KDM4B: variants seen among roughly 807,000 people sequenced by gnomAD.
KDM4B encodes lysine-specific demethylase 4B.
KDM4B carries 32 observed loss-of-function variants against 125.2 expected under a neutral mutation model. That is an observed-to-expected ratio of 0.26 (90% CI 0.19 to 0.34). KDM4B has a LOEUF of 0.34. Among genes scored for constraint, KDM4B ranks in the 10% least tolerant of loss-of-function variants. The pLI, the probability that KDM4B is intolerant of heterozygous loss-of-function variation, is 1.00. For synonymous variants in KDM4B, 721 were observed against 677.9 expected (o/e 1.06, Z -0.99); for missense variants, 1,190 against 1,577.7 (o/e 0.75, Z 4.16).
At chr19:5,049,127 G>C (rs2037136983) in intron 6 of KDM4B, among the ~76,000 whole-genome samples, 1 of 152,150 alleles carries the variant, frequency 6.6e-6, no homozygotes, top group African/African-American at 2.4e-5. Context: ...GCCTCTGCGG[G>C]AGGAGGCGAC....
chr19:5,065,628 C>A (rs1442043706), intron 6 of KDM4B, among the ~76,000 whole-genome samples: 5 of 152,206 alleles, frequency 3.3e-5, no homozygotes, highest in Non-Finnish European at 7.3e-5. Flanking sequence ...AAAACTCTTT[C>A]CGGGGCCAGC....
At chr19:4,979,213 T>G (rs533615204) in intron 1 of KDM4B, among the ~76,000 whole-genome samples, 1 of 151,368 alleles carries the variant, frequency 6.6e-6, no homozygotes, top group East Asian at 1.9e-4. Flanking sequence ...AGCCCAGGAG[T>G]TTGAGCCTAC....
chr19:5,037,086 C>T (rs1330601871), intron 3 of KDM4B, among the ~76,000 whole-genome samples: 3 of 152,332 alleles, frequency 2.0e-5, no homozygotes, highest in East Asian at 1.9e-4. Flanking sequence ...GCAGAGGAAT[C>T]GGGAGCGAAG....
At chr19:5,133,415 A>G (rs2039592807) in intron 13 of KDM4B, among the ~76,000 whole-genome samples, 1 of 152,004 alleles carries the variant, frequency 6.6e-6, no homozygotes. Flanking sequence ...CTAAGACAGG[A>G]AGGACAGTGT....
chr19:5,048,512 C>T (rs575233503), intron 6 of KDM4B, among the ~76,000 whole-genome samples: 18 of 151,412 alleles, frequency 1.2e-4, no homozygotes, highest in Admixed American at 2.0e-4. Flanking sequence ...AGGCCGTCCT[C>T]GCGCTGGAGG....
chr19:4,984,475 A>C (rs1430815501), intron 1 of KDM4B, among the ~76,000 whole-genome samples: 1 of 152,018 alleles, frequency 6.6e-6, no homozygotes, highest in Non-Finnish European at 1.5e-5. Flanking sequence ...CCGGGGTTTT[A>C]TGGGCCAGGA....
intron 9 of KDM4B, among the ~76,000 whole-genome samples, chr19:5,098,504 C>G (rs943851940): frequency 1.3e-5 from 2 of 152,128 alleles, no homozygotes; most frequent in African/African-American, 4.8e-5. Flanking sequence ...ACTTGCCCAG[C>G]CTGTGGGGTT....
At chr19:5,072,058 C>T (rs549070093) in intron 7 of KDM4B, among the ~76,000 whole-genome samples, 2 of 152,314 alleles carry the variant, frequency 1.3e-5, no homozygotes, top group Admixed American at 6.5e-5. Context: ...GGCAGCTCAG[C>T]AAGCGACAGC....
intron 1 of KDM4B, among the ~76,000 whole-genome samples, chr19:5,010,451 T>C (rs1462074918): frequency 6.6e-6 from 1 of 152,236 alleles, no homozygotes; most frequent in African/African-American, 2.4e-5. Flanking sequence ...TTTGGGACTT[T>C]GAGCCTGTGA....
chr19:5,055,033 A>G (rs1194934491), intron 6 of KDM4B, among the ~76,000 whole-genome samples: 2 of 152,182 alleles, frequency 1.3e-5, no homozygotes, highest in Non-Finnish European at 2.9e-5. Context: ...CTGGGATTGC[A>G]TCTCTGCGCC....
In KDM4B at chr19:5,151,332, C is replaced by A. The variant is rs191101535; in HGVS notation, c.3115-3C>A. The A allele has an allele frequency of 2.7e-5, 41 of 1,538,904 alleles. No homozygotes were observed. Among genetic ancestry groups the A allele is most frequent in the Non-Finnish European group, 3.6e-5 (41 of 1,142,430 alleles). On this transcript the variant is annotated splice_polypyrimidine_tract_variant and splice_region_variant and intron_variant, in intron 22 of 22. Coordinates refer to ENST00000159111, the MANE Select transcript of KDM4B (RefSeq NM_015015.3). ...TAACCACTGTGCTTCCGCTCTCCCGCAGTCACTGAGCACGGGGGCACCGCA... is the reference window on the plus strand; with the variant it reads ...TAACCACTGTGCTTCCGCTCTCCCGAAGTCACTGAGCACGGGGGCACCGCA...
At chr19:5,023,952 G>A (rs191772872) in intron 2 of KDM4B, among the ~76,000 whole-genome samples, 9 of 151,834 alleles carry the variant, frequency 5.9e-5, no homozygotes, top group African/African-American at 2.2e-4. Flanking sequence ...ATGGGGTCTC[G>A]CTATGTTCAG....
chr19:4,996,671 T>G (rs1025226481), intron 1 of KDM4B, among the ~76,000 whole-genome samples: 3 of 152,140 alleles, frequency 2.0e-5, no homozygotes, highest in Non-Finnish European at 4.4e-5. Context: ...TGTGGGACAG[T>G]CATTGTGTTG....
Position 5,114,415 on chromosome 19 carries a change from C to T in KDM4B, c.1115+3597C>T, listed in dbSNP as rs1001387879. The T allele has an allele frequency of 5.7e-5, 25 of 440,388 alleles. No individual in the cohort carries two copies. The highest frequency in any genetic ancestry group is 1.4e-4 in the East Asian group (2 of 14,062). 27.3% of individuals were successfully genotyped at this position (440,388 alleles called of 1,614,324 possible). A position where few individuals can be genotyped will look rare whatever the true frequency, so the allele number is the denominator to read the frequency against. ...CAGGACACCGCCACGCCTCTGGCCC[C>T]GACTCCTGCCAGGGCTGCCACGGCT... On this transcript the variant is annotated intron_variant, in intron 10 of 22. Transcript: ENST00000159111. The surrounding 1 kb of genome is among the most constrained non-coding windows in gnomAD (Gnocchi z 5.8).
At chr19:5,022,194 GC>G in intron 2 of KDM4B, among the ~76,000 whole-genome samples, 1 of 152,206 alleles carries the variant, frequency 6.6e-6, no homozygotes. Flanking sequence ...GCACAGGCGG[GC>G]CCTGTGGCCA....
At chr19:4,999,363 T>C (rs2035297673) in intron 1 of KDM4B, among the ~76,000 whole-genome samples, 1 of 152,144 alleles carries the variant, frequency 6.6e-6, no homozygotes, top group Admixed American at 6.5e-5. Context: ...CTCGGAGCAC[T>C]TCCCAACTTT....
intron 9 of KDM4B, among the ~76,000 whole-genome samples, chr19:5,103,231 C>T (rs1217218260): frequency 2.6e-5 from 4 of 152,240 alleles, no homozygotes; most frequent in Non-Finnish European, 5.9e-5. Flanking sequence ...CAGCAGGCAC[C>T]ACACGAGCCA....
chr19:5,030,588 C>T (rs1415439512), intron 2 of KDM4B, among the ~76,000 whole-genome samples: 2 of 152,226 alleles, frequency 1.3e-5, no homozygotes, highest in African/African-American at 4.8e-5. Context: ...GAGAGGCAGC[C>T]AGGGACAGGG....
intron 7 of KDM4B, among the ~76,000 whole-genome samples, chr19:5,073,292 C>T (rs536578745): frequency 6.6e-6 from 1 of 152,256 alleles, no homozygotes; most frequent in South Asian, 2.1e-4. Flanking sequence ...GCATGACACC[C>T]CACACCTCTG....
Sources: allele counts gnomAD v4.1 joint callset (sites outside exome capture counted in the v4.1 genomes callset), GRCh38; gene constraint gnomAD v4.1.1; non-coding constraint Gnocchi (gnomAD v3.1); transcripts MANE v1.5; gene names NCBI Gene and HGNC (gene_info 2026-07-23, HGNC 2026-07-21).